The following CTBP2 variants were observed in gnomAD, a reference collection of about 807,000 sequenced individuals.
The protein encoded by CTBP2 is C-terminal-binding protein 2.
Under a neutral mutation model 80.3 loss-of-function variants are expected in CTBP2, and 30 were observed. The ratio of observed to expected loss-of-function variants is 0.37; its 90% confidence interval spans 0.28 to 0.51. CTBP2 has a LOEUF of 0.51. Among genes scored for constraint, CTBP2 ranks in the 20% least tolerant of loss-of-function variants. CTBP2 has a pLI of 0.93. For missense variants in CTBP2, 1,212 were observed against 1,375.3 expected (o/e 0.88, Z 1.88); for synonymous variants, 594 against 587.4 (o/e 1.01, Z -0.16).
At chr10:125,060,428 C>T (rs1964726160) in intron 2 of CTBP2, among the ~76,000 whole-genome samples, 1 of 151,570 alleles carries the variant, frequency 6.6e-6, no homozygotes, top group Non-Finnish European at 1.5e-5. Flanking sequence ...ATGCATTTTT[C>T]CTTAACTACT....
intron 1 of CTBP2, chr10:125,005,595 G>C (rs1361946572): frequency 1.2e-6 from 2 of 1,612,716 alleles, no homozygotes; most frequent in African/African-American, 2.7e-5. Context: ...CACAAAGCTG[G>C]ATACCCCCTC....
chr10:125,040,954 G>T (rs1959556030), intron 2 of CTBP2, among the ~76,000 whole-genome samples: 1 of 152,216 alleles, frequency 6.6e-6, no homozygotes, highest in Admixed American at 6.5e-5. Context: ...TTCAACGATT[G>T]GGAAGTTCCC....
chr10:125,072,974 G>A (rs1845738006), intron 2 of CTBP2, among the ~76,000 whole-genome samples: 1 of 152,226 alleles, frequency 6.6e-6, no homozygotes. Flanking sequence ...ACGGTTGGAT[G>A]CAATAAATAG....
chr10:125,109,738 C>A (rs1298510464), intron 2 of CTBP2, among the ~76,000 whole-genome samples: 1 of 152,234 alleles, frequency 6.6e-6, no homozygotes, highest in East Asian at 1.9e-4. Flanking sequence ...GGAAAGGGTT[C>A]TGAATTTCTA....
intron 2 of CTBP2, among the ~76,000 whole-genome samples, chr10:125,097,498 C>T (rs1435981270): frequency 1.3e-5 from 2 of 152,166 alleles, no homozygotes; most frequent in Non-Finnish European, 2.9e-5. Context: ...TCCTCAAAGC[C>T]AACCCAAGGA....
intron 2 of CTBP2, among the ~76,000 whole-genome samples, chr10:125,058,797 G>A (rs1339078022): frequency 6.6e-6 from 1 of 152,164 alleles, no homozygotes; most frequent in Non-Finnish European, 1.5e-5. Context: ...AGGACGCTGA[G>A]GCAGAAGAAT....
chr10:125,078,390 A>G (rs1483359654), intron 2 of CTBP2, among the ~76,000 whole-genome samples: 8 of 152,110 alleles, frequency 5.3e-5, no homozygotes, highest in African/African-American at 1.9e-4. Context: ...TAGGTCCAAG[A>G]AGATTATTTT....
At chr10:125,087,195 C>T (rs1848120826) in intron 2 of CTBP2, among the ~76,000 whole-genome samples, 1 of 151,830 alleles carries the variant, frequency 6.6e-6, no homozygotes, top group African/African-American at 2.4e-5. Flanking sequence ...CCGCCTCAGC[C>T]TCCCGAGTAC....
chr10:124,993,213 C>T lies in CTBP2; in HGVS notation c.2648G>A (p.Arg883Gln), dbSNP rs767581216. Residue 883 changes from arginine to glutamine, a missense_variant, in exon 7 of 9, where the codon CGA (arginine) becomes CAA (glutamine). Arg to Gln is a conservative substitution (Grantham distance 43). Coordinates refer to ENST00000309035, the MANE Select transcript of CTBP2 (RefSeq NM_022802.3). ...ACGGAGGGGCTCACCTGTGATGGCT[C>T]GGCGGATCTCGGTGGCAGCTGCCTC... 8 of 1,597,348 alleles carry T rather than the reference C, an allele frequency of 5.0e-6. No individual in the cohort carries two copies. Among genetic ancestry groups the T allele is most frequent in the South Asian group, 1.1e-5 (1 of 90,484 alleles).
At chr10:125,041,504 A>ACC (rs10559259) in intron 2 of CTBP2, among the ~76,000 whole-genome samples, 14 of 91,174 alleles carry the variant, frequency 1.5e-4, no homozygotes, top group Admixed American at 3.7e-4. Context: ...GTCCATCCCC[A>ACC]CCCCCCCCCC....
rs1564737505 is a variant in CTBP2 at position 125,026,168 on chromosome 10, A to G, written c.1592T>C (p.Leu531Pro). Residue 531 changes from leucine to proline, a missense_variant, in exon 1 of 9, where the codon CTC becomes CCC. Physicochemically the swap from Leu to Pro is moderately conservative, Grantham distance 98. This residue lies in a region of CTBP2 where 848 missense variants were observed against 782.3 expected (regional missense o/e 1.08). Coordinates refer to ENST00000309035, the MANE Select transcript of CTBP2 (RefSeq NM_022802.3). ...CTGGTACGGTGAGTGAGGCGTGTGG[A>G]GGCTCTGGCTGGCCGGCGGCAGGGT... 3 of 1,611,200 alleles carry G rather than the reference A, an allele frequency of 1.9e-6. No individual in the cohort carries two copies. The highest frequency in any genetic ancestry group is 2.2e-5 in the East Asian group (1 of 44,768).
intron 5 of CTBP2, among the ~76,000 whole-genome samples, 157 bp from the exon 8 acceptor site, chr10:124,994,142 C>T (rs576307213): frequency 3.3e-5 from 5 of 152,328 alleles, no homozygotes; most frequent in African/African-American, 9.6e-5. Context: ...GTGTTGGTGA[C>T]GGCTGGAAGC....
intron 3 of CTBP2, chr10:124,999,803 G>A (rs1954189464): frequency 6.6e-6 from 1 of 152,246 alleles, no homozygotes; most frequent in Admixed American, 6.5e-5. Flanking sequence ...GACAGACTGA[G>A]GCTGATGCCA....
chr10:124,994,803 A>C, intron 4 of CTBP2, 120 bp from the exon 7 acceptor site: 1 of 1,005,000 alleles, frequency 1.0e-6, no homozygotes, highest in Non-Finnish European at 1.5e-6. Flanking sequence ...GCTGCCAGAG[A>C]AACCGTGTGC....
Position 124,992,729 on chromosome 10 carries a change from C to T in CTBP2, c.2743G>A (p.Ala915Thr), listed in dbSNP as rs771919969. ...GCACCATTGAGCTCAGGATGAATTGCTTGCTGGTCTATTACTGACCAAGGC... is the reference window on the plus strand; with the variant it reads ...GCACCATTGAGCTCAGGATGAATTGTTTGCTGGTCTATTACTGACCAAGGC... The change falls in exon 8 of 9, where the codon GCA (alanine) becomes ACA (threonine). Residue 915 changes from alanine to threonine, a missense_variant. Coordinates refer to ENST00000309035, the MANE Select transcript of CTBP2 (RefSeq NM_022802.3). 1.2e-6 allele frequency: 2 copies of T among 1,608,502 alleles called. No individual in the cohort carries two copies. The highest frequency in any genetic ancestry group is 1.1e-5 in the South Asian group (1 of 90,130).
chr10:125,071,141 CG>C (rs1357550684), intron 2 of CTBP2, among the ~76,000 whole-genome samples: 1 of 152,140 alleles, frequency 6.6e-6, no homozygotes, highest in Non-Finnish European at 1.5e-5. Context: ...GCCACGACCT[CG>C]TATCTGTGCC....
chr10:124,999,253 C>A (rs1183459126), intron 3 of CTBP2: 2 of 152,278 alleles, frequency 1.3e-5, no homozygotes, highest in African/African-American at 4.8e-5. Flanking sequence ...ATGGTTCCCT[C>A]CTAATCCCAG....
intron 2 of CTBP2, among the ~76,000 whole-genome samples, chr10:125,087,570 A>G (rs1415965198): frequency 6.6e-6 from 1 of 152,152 alleles, no homozygotes; most frequent in Non-Finnish European, 1.5e-5. Flanking sequence ...TTGTCATTCT[A>G]CTGGCCCAAC....
At chr10:124,992,603 G>A in intron 8 of CTBP2, 92 bp downstream of exon 10, 1 of 792,356 alleles carries the variant, frequency 1.3e-6, no homozygotes, top group Non-Finnish European at 2.1e-6. Context: ...AGCATCTGCG[G>A]GAGGTTAAGC....
Sources: gnomAD v4.1 joint callset for allele counts (sites outside exome capture counted in the v4.1 genomes callset) on GRCh38, gnomAD v4.1.1 for gene constraint, gnomAD v4.1.1 regional missense constraint, MANE v1.5 for transcripts, NCBI Gene and HGNC (gene_info 2026-07-23, HGNC 2026-07-21) for gene names.